ATXN10: variants seen among roughly 807,000 people sequenced by gnomAD.
ATXN10 encodes ataxin-10.
In ATXN10, 28 loss-of-function variants were observed where a neutral mutation model predicts 52.9. The ratio of observed to expected loss-of-function variants is 0.53; its 90% confidence interval spans 0.39 to 0.73. ATXN10 has a LOEUF of 0.73. Among genes scored for constraint, ATXN10 ranks in the 30% least tolerant of loss-of-function variants. ATXN10 has a pLI of 0.00. For missense variants in ATXN10, 565 were observed against 577.0 expected (o/e 0.98, Z 0.21); for synonymous variants, 226 against 221.5 (o/e 1.02, Z -0.18).
In ATXN10 at chr22:45,718,393, T is replaced by A; in HGVS notation, c.648-20T>A. On this transcript the variant is annotated intron_variant, in intron 5 of 11. Coordinates refer to ENST00000252934, the MANE Select transcript of ATXN10 (RefSeq NM_013236.4). The surrounding 1 kb of genome is among the most constrained non-coding windows in gnomAD (Gnocchi z 4.4). ...TACTATGTTTCAAGTAACCAAACTT[T>A]CCTCCTCTTTTTTCCCTAGGTTCTT... 6.3e-7 allele frequency: 1 copy of A among 1,595,708 alleles called. No homozygotes were observed. The highest frequency in any genetic ancestry group is 8.6e-7 in the Non-Finnish European group (1 of 1,163,212).
chr22:45,825,461 T>A lies in ATXN10; in HGVS notation c.1238-17530T>A, dbSNP rs1200730776. 2.0e-5 allele frequency among the ~76,000 whole-genome samples: 3 copies of A among 152,094 alleles called. No individual in the cohort carries two copies. The highest frequency in any genetic ancestry group is 1.9e-4 in the East Asian group (1 of 5,190). On this transcript the variant is annotated intron_variant, in intron 10 of 11. Coordinates refer to ENST00000252934, the MANE Select transcript of ATXN10 (RefSeq NM_013236.4). This position sits in a 1 kb window ranked among gnomAD's most constrained non-coding sequence, Gnocchi z 4.5. ...TAGGCTCGGAGAAGACCTGAGAAGA[T>A]CTTAAATTTACACCTCAGGCTTATC... is the stretch of plus-strand genomic sequence containing the variant.
In ATXN10 at chr22:45,677,636, C is replaced by A. The variant is rs754351722; in HGVS notation, c.116+5457C>A. ...ACCTACAACTCAATAAAAAAGACTCCTACAACTCAATTTAAAAATTGGGCA... is the reference window on the plus strand; with the variant it reads ...ACCTACAACTCAATAAAAAAGACTCATACAACTCAATTTAAAAATTGGGCA... On this transcript the variant is annotated intron_variant, in intron 1 of 11. Transcript: ENST00000252934. The surrounding 1 kb of genome is among the most constrained non-coding windows in gnomAD (Gnocchi z 4.1). 1 of 151,840 alleles carries A rather than the reference C, an allele frequency of 6.6e-6. No individual in the cohort carries two copies. The highest frequency in any genetic ancestry group is 2.4e-5 in the African/African-American group (1 of 41,328). 9.4% of individuals were successfully genotyped at this position (151,840 alleles called of 1,614,324 possible).
chr22:45,726,744 G>A (rs1350226490), intron 6 of ATXN10, among the ~76,000 whole-genome samples: 2 of 152,190 alleles, frequency 1.3e-5, no homozygotes, highest in Non-Finnish European at 2.9e-5. Context: ...CTGGTGTGCA[G>A]TGGCACGATC....
At chr22:45,768,853 G>A (rs980168067) in intron 9 of ATXN10, among the ~76,000 whole-genome samples, 3 of 152,222 alleles carry the variant, frequency 2.0e-5, no homozygotes, top group Non-Finnish European at 2.9e-5. Context: ...ATATTTGAAC[G>A]TGGACTGGCT....
intron 1 of ATXN10, among the ~76,000 whole-genome samples, chr22:45,682,807 C>G (rs372154297): frequency 6.6e-6 from 1 of 152,150 alleles, no homozygotes; most frequent in Non-Finnish European, 1.5e-5. Context: ...TTTAGACACC[C>G]TCATAAGAAT....
Position 45,790,196 on chromosome 22 carries a change from A to G in ATXN10, c.1174-16763A>G, listed in dbSNP as rs1168830865. ...CTGATTTCTTATTCTGCACAATCCC[A>G]GTTAGAGGGGCTCTTAATGCCTGTA... On this transcript the variant is annotated intron_variant, in intron 9 of 11. Coordinates refer to ENST00000252934, the MANE Select transcript of ATXN10 (RefSeq NM_013236.4). The surrounding 1 kb of genome is among the most constrained non-coding windows in gnomAD (Gnocchi z 4.7). 6.6e-6 allele frequency among the ~76,000 whole-genome samples: 1 copy of G among 152,176 alleles called. No individual in the cohort carries two copies. The highest frequency in any genetic ancestry group is 2.4e-5 in the African/African-American group (1 of 41,446).
chr22:45,831,874 T>C (rs1409728112), intron 10 of ATXN10, among the ~76,000 whole-genome samples: 1 of 152,230 alleles, frequency 6.6e-6, no homozygotes, highest in Non-Finnish European at 1.5e-5. Flanking sequence ...ACCCAGAGCC[T>C]GTGCTGGAGC....
At chr22:45,740,878 A>G (rs1287724686) in intron 9 of ATXN10, 1 of 161,146 alleles carries the variant, frequency 6.2e-6, no homozygotes. Flanking sequence ...CAAAGCTTAG[A>G]TCTATATCCT....
At chr22:45,742,715 T>G (rs1925584431) in intron 9 of ATXN10, among the ~76,000 whole-genome samples, 1 of 152,208 alleles carries the variant, frequency 6.6e-6, no homozygotes, top group Non-Finnish European at 1.5e-5. Flanking sequence ...TAGCCGTTGA[T>G]AGCTGGAATA....
At chr22:45,739,897 T>A (rs555468295) in intron 8 of ATXN10, among the ~76,000 whole-genome samples, 1 of 152,194 alleles carries the variant, frequency 6.6e-6, no homozygotes. Context: ...AGAGAACATA[T>A]GCTGGCTTCT....
intron 9 of ATXN10, among the ~76,000 whole-genome samples, chr22:45,779,982 T>C (rs1834456581): frequency 6.6e-6 from 1 of 152,258 alleles, no homozygotes; most frequent in African/African-American, 2.4e-5. Context: ...CAGGAGTCCT[T>C]GCCCTTAAAC....
intron 9 of ATXN10, among the ~76,000 whole-genome samples, chr22:45,746,357 TTGTC>T (rs2146809708): frequency 6.6e-6 from 1 of 151,634 alleles, no homozygotes; most frequent in African/African-American, 2.4e-5. Context: ...AGCAGCGTAT[TTGTC>T]TGTTAAATCA....
intron 1 of ATXN10, among the ~76,000 whole-genome samples, chr22:45,682,571 A>G (rs1922971287): frequency 6.6e-6 from 1 of 151,980 alleles, no homozygotes; most frequent in Non-Finnish European, 1.5e-5. Context: ...TGGCCTCCCA[A>G]AGTGCTGGGA....
At chr22:45,746,314 C>T (rs917141763) in intron 9 of ATXN10, among the ~76,000 whole-genome samples, 8 of 149,790 alleles carry the variant, frequency 5.3e-5, no homozygotes, top group Non-Finnish European at 8.9e-5. Context: ...TTATTAACTC[C>T]TTTATTATTT....
chr22:45,679,796 G>A (rs1382595028), intron 1 of ATXN10: 1 of 152,200 alleles, frequency 6.6e-6, no homozygotes, highest in African/African-American at 2.4e-5. Flanking sequence ...ATGCTACATG[G>A]AATTGTTTGG....
In ATXN10 at chr22:45,774,709, G is replaced by A. The variant is rs993745568; in HGVS notation, c.1174-32250G>A. Among the ~76,000 whole-genome samples the A allele has an allele frequency of 1.3e-5, 2 of 152,186 alleles. No homozygotes were observed. Among genetic ancestry groups the A allele is most frequent in the African/African-American group, 2.4e-5 (1 of 41,454 alleles). On this transcript the variant is annotated intron_variant, in intron 9 of 11. Transcript: ENST00000252934. The surrounding 1 kb of genome is among the most constrained non-coding windows in gnomAD (Gnocchi z 6.2). The stretch of plus-strand genomic sequence containing the variant: ...GCACTTTGGGAGGCTGAGGTGAGCG[G>A]ATCACTTGAGGCCAGGAGTTTGAGA...
At chr22:45,697,401 C>T (rs1006444731) in intron 3 of ATXN10, among the ~76,000 whole-genome samples, 3 of 151,994 alleles carry the variant, frequency 2.0e-5, no homozygotes, top group African/African-American at 7.2e-5. Context: ...TCCGAAAGTG[C>T]TGGAATTACA....
chr22:45,787,406 C>G lies in ATXN10; in HGVS notation c.1174-19553C>G, dbSNP rs924288426. ...CTGTGTCTTGATCTGCCTCCTGGCC[C>G]CTTTTCCCTCAAGGCACTAGGGAGA... On this transcript the variant is annotated intron_variant, in intron 9 of 11. Transcript: ENST00000252934. The surrounding 1 kb of genome is among the most constrained non-coding windows in gnomAD (Gnocchi z 4.2). Among the ~76,000 whole-genome samples, 1 of 152,156 alleles carries G rather than the reference C, an allele frequency of 6.6e-6. No homozygotes were observed. The highest frequency in any genetic ancestry group is 2.4e-5 in the African/African-American group (1 of 41,428).
Position 45,728,117 on chromosome 22 carries a change from AT to A in ATXN10, c.729-1307del. Among the ~76,000 whole-genome samples the A allele has an allele frequency of 6.6e-6, 1 of 152,106 alleles. No individual in the cohort carries two copies. Among genetic ancestry groups the A allele is most frequent in the East Asian group, 1.9e-4 (1 of 5,184 alleles). Reference sequence around the variant, plus strand: ...TGTTAATACTGAGATGTGAGGTACTATCCCAGCCATCATGTTGATTGTTACC... The same window carrying A: ...TGTTAATACTGAGATGTGAGGTACTACCCAGCCATCATGTTGATTGTTACC... On this transcript the variant is annotated intron_variant, in intron 6 of 11. Coordinates refer to ENST00000252934, the MANE Select transcript of ATXN10 (RefSeq NM_013236.4). The surrounding 1 kb of genome is among the most constrained non-coding windows in gnomAD (Gnocchi z 4.3).
Sources: gnomAD v4.1 joint callset for allele counts (sites outside exome capture counted in the v4.1 genomes callset) on GRCh38, gnomAD v4.1.1 for gene constraint, Gnocchi (gnomAD v3.1) non-coding constraint, MANE v1.5 for transcripts, NCBI Gene and HGNC (gene_info 2026-07-23, HGNC 2026-07-21) for gene names.